SLC49A4: variants seen among roughly 807,000 people sequenced by gnomAD.
The protein encoded by SLC49A4 is solute carrier family 49 member 4.
Under a neutral mutation model 50.6 loss-of-function variants are expected in SLC49A4, and 36 were observed. The observed-to-expected ratio is 0.71, with a 90% CI of 0.55 to 0.94. The LOEUF (loss-of-function observed/expected upper bound fraction) is 0.94, where lower values mean the gene tolerates loss of function less well. Ranked by LOEUF, SLC49A4 falls within the 40% of genes least tolerant of loss-of-function variation. The pLI, the probability that SLC49A4 is intolerant of heterozygous loss-of-function variation, is 0.00. For missense variants in SLC49A4, 503 were observed against 605.7 expected (o/e 0.83, Z 1.78); for synonymous variants, 248 against 241.2 (o/e 1.03, Z -0.26).
intron 3 of SLC49A4, among the ~76,000 whole-genome samples, chr3:122,831,343 G>A (rs1356329714): frequency 6.6e-6 from 1 of 152,056 alleles, no homozygotes; most frequent in Non-Finnish European, 1.5e-5. Flanking sequence ...ATTTATAATA[G>A]CGAAAAAGTG....
chr3:122,852,198 G>C (rs4678219), intron 5 of SLC49A4, among the ~76,000 whole-genome samples: 98,005 of 151,822 alleles, frequency 0.65, 31,826 homozygotes, highest in South Asian at 0.71. Context: ...TGCCATGTTA[G>C]CCAGGCTGGT....
chr3:122,827,091 G>C, intron 3 of SLC49A4, 26 bp downstream of exon 3: 1 of 1,588,182 alleles, frequency 6.3e-7, no homozygotes, highest in South Asian at 1.1e-5. Flanking sequence ...TTTTCTTCTT[G>C]TTATACTTTG....
chr3:122,852,187 T>C (rs1936935461), intron 5 of SLC49A4, among the ~76,000 whole-genome samples: 1 of 152,080 alleles, frequency 6.6e-6, no homozygotes, highest in Admixed American at 6.5e-5. Flanking sequence ...AGACGGGGTT[T>C]TGCCATGTTA....
chr3:122,879,822 A>G lies in SLC49A4; in HGVS notation c.*444A>G, dbSNP rs536481994. Reference sequence around the variant, plus strand: ...CTAAAGAAGTTCAAACCCTGTATCCAATTTTAATGATAAAATAGCCAAGAG... The same window carrying G: ...CTAAAGAAGTTCAAACCCTGTATCCGATTTTAATGATAAAATAGCCAAGAG... On this transcript the variant is annotated 3_prime_UTR_variant, in exon 9 of 9. Transcript: ENST00000261038. 3.9e-5 allele frequency: 6 copies of G among 153,722 alleles called. No homozygotes were observed. Among genetic ancestry groups the G allele is most frequent in the Admixed American group, 2.6e-4 (4 of 15,408 alleles). The allele number at this position is 153,722 out of a possible 1,614,324, so 9.5% of individuals were successfully genotyped here.
intron 3 of SLC49A4, among the ~76,000 whole-genome samples, chr3:122,830,306 G>A (rs965857044): frequency 2.6e-5 from 4 of 152,258 alleles, no homozygotes; most frequent in Non-Finnish European, 4.4e-5. Context: ...TGCAGAAATC[G>A]ACAAGGCGAT....
intron 2 of SLC49A4, among the ~76,000 whole-genome samples, chr3:122,817,752 T>TTTTTTTC (rs1936392705): frequency 1.7e-5 from 2 of 120,066 alleles, no homozygotes; most frequent in Admixed American, 1.8e-4. Flanking sequence ...AGCTAATTTT[T>TTTTTTTC]TTTTTTTTTT....
intron 2 of SLC49A4, among the ~76,000 whole-genome samples, chr3:122,817,883 C>T (rs1936396664): frequency 6.6e-6 from 1 of 151,484 alleles, no homozygotes; most frequent in Admixed American, 6.6e-5. Context: ...GTGTGCACCA[C>T]CTTGCCCAGT....
intron 2 of SLC49A4, among the ~76,000 whole-genome samples, chr3:122,824,282 C>A (rs887314816): frequency 2.0e-5 from 3 of 152,168 alleles, no homozygotes; most frequent in Non-Finnish European, 4.4e-5. Flanking sequence ...AAACCAAGAA[C>A]CCATCTGAAG....
chr3:122,835,643 A>G (rs1198061480), intron 4 of SLC49A4, among the ~76,000 whole-genome samples: 3 of 152,202 alleles, frequency 2.0e-5, no homozygotes, highest in Admixed American at 6.5e-5. Context: ...ACCCACAGCC[A>G]ACATCATACT....
intron 1 of SLC49A4, among the ~76,000 whole-genome samples, chr3:122,797,751 C>T (rs545243471): frequency 6.6e-6 from 1 of 152,202 alleles, no homozygotes; most frequent in East Asian, 1.9e-4. Context: ...GAGGCTGAGG[C>T]GGGTGGGTCA....
intron 7 of SLC49A4, among the ~76,000 whole-genome samples, chr3:122,860,615 T>G (rs1303649038): frequency 1.3e-5 from 2 of 152,214 alleles, no homozygotes; most frequent in African/African-American, 4.8e-5. Flanking sequence ...TTATTTTACA[T>G]TTAGTGTTAT....
intron 3 of SLC49A4, among the ~76,000 whole-genome samples, chr3:122,829,597 A>G (rs1031178313): frequency 2.0e-5 from 3 of 152,204 alleles, no homozygotes; most frequent in African/African-American, 7.2e-5. Flanking sequence ...TACTAAAAAG[A>G]AAAATGGCCG....
At chr3:122,821,759 C>T (rs537620733) in intron 2 of SLC49A4, among the ~76,000 whole-genome samples, 2 of 152,322 alleles carry the variant, frequency 1.3e-5, no homozygotes, top group East Asian at 3.9e-4. Context: ...ATTGGCCTTG[C>T]TTTTAAAACA....
chr3:122,795,151 C>A lies in SLC49A4; in HGVS notation c.-42C>A. 7.7e-7 allele frequency: 1 copy of A among 1,305,828 alleles called. No individual in the cohort carries two copies. The highest frequency in any genetic ancestry group is 9.7e-7 in the Non-Finnish European group (1 of 1,035,994). The allele number at this position is 1,305,828 out of a possible 1,614,324, so 80.9% of individuals were successfully genotyped here. Reference sequence around the variant, plus strand: ...CTGCGCTGGGCTAGTCGGCGGTGACCCGGACTGCGCCCGGCAGTGGCTTCG... The same window carrying A: ...CTGCGCTGGGCTAGTCGGCGGTGACACGGACTGCGCCCGGCAGTGGCTTCG... On this transcript the variant is annotated 5_prime_UTR_variant, in exon 1 of 9. Transcript: ENST00000261038.
chr3:122,842,534 A>G (rs1005994575), intron 4 of SLC49A4, among the ~76,000 whole-genome samples: 1 of 151,494 alleles, frequency 6.6e-6, no homozygotes, highest in African/African-American at 2.4e-5. Flanking sequence ...TTAGATAGCA[A>G]TAGAGAAGGG....
At chr3:122,853,862 T>G (rs530956860) in intron 5 of SLC49A4, among the ~76,000 whole-genome samples, 1 of 152,302 alleles carries the variant, frequency 6.6e-6, no homozygotes, top group Non-Finnish European at 1.5e-5. Flanking sequence ...CTGAGAGAGA[T>G]AGAGACCCTG....
chr3:122,795,467 T>A lies in SLC49A4; in HGVS notation c.275T>A (p.Leu92Gln). The change falls in exon 1 of 9, where the codon CTG becomes CAG. Residue 92 changes from leucine (L) to glutamine (Q), a missense_variant. Coordinates refer to ENST00000261038, the MANE Select transcript of SLC49A4 (RefSeq NM_032839.3). ...GGCTTCTCCAGCTGGGACATCGCGC[T>A]GCTCGTGCTGTGGGGGCCCATCGGC... The part of the protein sequence containing the change: ...AYGFSSWDIA[L>Q]LVLWGPIGFL... The A allele has an allele frequency of 6.2e-7, 1 of 1,606,950 alleles. No homozygotes were observed. Among genetic ancestry groups the A allele is most frequent in the Non-Finnish European group, 8.5e-7 (1 of 1,179,138 alleles).
chr3:122,811,395 A>G (rs1207188415), intron 2 of SLC49A4, among the ~76,000 whole-genome samples: 2 of 152,228 alleles, frequency 1.3e-5, no homozygotes, highest in Non-Finnish European at 2.9e-5. Context: ...ACAGATGTCT[A>G]TTTACTGGCA....
intron 4 of SLC49A4, among the ~76,000 whole-genome samples, chr3:122,841,294 A>G (rs968553302): frequency 3.9e-5 from 6 of 152,218 alleles, no homozygotes; most frequent in Admixed American, 1.3e-4. Flanking sequence ...ATTGCCGTTC[A>G]TTGTGAAGTT....
Sources: allele counts gnomAD v4.1 joint callset (sites outside exome capture counted in the v4.1 genomes callset), GRCh38; gene constraint gnomAD v4.1.1; transcripts MANE v1.5; gene names NCBI Gene and HGNC (gene_info 2026-07-23, HGNC 2026-07-21).